RAB3B: variants seen among roughly 807,000 people sequenced by gnomAD.
The protein encoded by RAB3B is ras-related protein Rab-3B.
In RAB3B, 11 loss-of-function variants were observed where a neutral mutation model predicts 20.5. That is an observed-to-expected ratio of 0.54 (90% CI 0.34 to 0.89). The LOEUF (loss-of-function observed/expected upper bound fraction) is 0.89, where lower values mean the gene tolerates loss of function less well. RAB3B is among the 40% of genes least tolerant of loss of function. The pLI is 0.02. For synonymous variants in RAB3B, 99 were observed against 106.3 expected (o/e 0.93, Z 0.42); for missense variants, 225 against 280.9 (o/e 0.80, Z 1.42).
Position 51,918,162 on chromosome 1 carries a change from G to A in RAB3B, c.*1765C>T, listed in dbSNP as rs1684114823. The A allele has an allele frequency of 6.6e-6, 1 of 152,194 alleles. No homozygotes were observed. The allele number at this position is 152,194 out of a possible 1,614,324, so 9.4% of individuals were successfully genotyped here. ...TTTAATTAAGGGGCTTCCACCAGAA[G>A]TGGTTTCCCACACTCTCTGGTAGAA... is the stretch of plus-strand genomic sequence containing the variant. On this transcript the variant is annotated 3_prime_UTR_variant, in exon 5 of 5. Coordinates refer to ENST00000371655, the MANE Select transcript of RAB3B (RefSeq NM_002867.4).
chr1:51,973,500 T>C (rs181424119), intron 2 of RAB3B: 3 of 152,262 alleles, frequency 2.0e-5, no homozygotes, highest in Non-Finnish European at 2.9e-5. Flanking sequence ...GGATGGGAGA[T>C]TGACTATGTC....
intron 4 of RAB3B, among the ~76,000 whole-genome samples, chr1:51,920,732 G>A (rs1684161537): frequency 6.6e-6 from 1 of 152,220 alleles, no homozygotes; most frequent in Admixed American, 6.5e-5. Flanking sequence ...CTTTTTCGCA[G>A]GGATTTTCCT....
chr1:51,929,348 G>C (rs535751668), intron 4 of RAB3B, among the ~76,000 whole-genome samples: 1 of 150,088 alleles, frequency 6.7e-6, no homozygotes, highest in African/African-American at 2.4e-5. Context: ...TTCTTTTTGA[G>C]ATGGAGTCTT....
chr1:51,939,889 C>G (rs575818447), intron 2 of RAB3B, among the ~76,000 whole-genome samples: 39 of 152,306 alleles, frequency 2.6e-4, no homozygotes, highest in African/African-American at 9.4e-4. Context: ...TCCAGGACTT[C>G]TGATTCCATG....
At chr1:51,956,787 G>C (rs990282896) in intron 2 of RAB3B, among the ~76,000 whole-genome samples, 8 of 152,152 alleles carry the variant, frequency 5.3e-5, no homozygotes, top group African/African-American at 1.9e-4. Flanking sequence ...TGTTTAGACG[G>C]GCTGTGCCAG....
chr1:51,983,339 T>C (rs893469976), intron 1 of RAB3B, among the ~76,000 whole-genome samples: 3 of 152,010 alleles, frequency 2.0e-5, no homozygotes, highest in Admixed American at 6.6e-5. Context: ...AAAACCATCA[T>C]ATTTTTACTG....
At chr1:51,972,641 C>T (rs1010194929) in intron 2 of RAB3B, among the ~76,000 whole-genome samples, 2 of 151,868 alleles carry the variant, frequency 1.3e-5, no homozygotes, top group African/African-American at 2.4e-5. Context: ...AGAAGAGACA[C>T]CAAAGAGTTT....
intron 4 of RAB3B, among the ~76,000 whole-genome samples, chr1:51,923,148 A>G (rs1272112040): frequency 6.6e-6 from 1 of 152,244 alleles, no homozygotes; most frequent in Non-Finnish European, 1.5e-5. Context: ...CAGTTCACAA[A>G]TACGAAAACA....
At chr1:51,958,159 A>C (rs1341223478) in intron 2 of RAB3B, among the ~76,000 whole-genome samples, 1 of 152,126 alleles carries the variant, frequency 6.6e-6, no homozygotes, top group Non-Finnish European at 1.5e-5. Context: ...TTGTTGACTG[A>C]GGTTAGGTGT....
intron 4 of RAB3B, among the ~76,000 whole-genome samples, chr1:51,925,972 G>T (rs1397047721): frequency 6.6e-6 from 1 of 152,210 alleles, no homozygotes; most frequent in Non-Finnish European, 1.5e-5. Flanking sequence ...CCTGCTGGGG[G>T]GCCAGCTGAG....
intron 2 of RAB3B, among the ~76,000 whole-genome samples, chr1:51,951,950 C>A (rs910774328): frequency 6.6e-6 from 1 of 152,208 alleles, no homozygotes; most frequent in Non-Finnish European, 1.5e-5. Flanking sequence ...CCTCTGTAAT[C>A]CTATCTAATC....
intron 4 of RAB3B, among the ~76,000 whole-genome samples, chr1:51,927,975 G>T (rs1684267477): frequency 6.6e-6 from 1 of 152,070 alleles, no homozygotes; most frequent in Non-Finnish European, 1.5e-5. Context: ...ACCCTAAAAG[G>T]TCATGCTTCT....
At position 51,910,461 on chromosome 1, in the gene RAB3B, T is replaced by C. The variant is rs1424907938; in HGVS notation, c.*9466A>G. 3 of 152,172 alleles carry C rather than the reference T, an allele frequency of 2.0e-5. No individual in the cohort carries two copies. Among genetic ancestry groups the C allele is most frequent in the Non-Finnish European group, 4.4e-5 (3 of 68,044 alleles). The allele number at this position is 152,172 out of a possible 1,614,324, so 9.4% of individuals were successfully genotyped here. ...TGTTTCTCTTCCTCTTGTTACTCTTTAGGAACCTCCAGCCTAGAATAGTCA... is the reference window on the plus strand; with the variant it reads ...TGTTTCTCTTCCTCTTGTTACTCTTCAGGAACCTCCAGCCTAGAATAGTCA... On this transcript the variant is annotated 3_prime_UTR_variant, in exon 5 of 5. Coordinates refer to ENST00000371655, the MANE Select transcript of RAB3B (RefSeq NM_002867.4).
At chr1:51,962,684 TTC>T (rs1557973075) in intron 2 of RAB3B, among the ~76,000 whole-genome samples, 2 of 152,190 alleles carry the variant, frequency 1.3e-5, no homozygotes, top group Non-Finnish European at 2.9e-5. Context: ...ACTGAAACCT[TTC>T]TCTGAGTCTT....
intron 2 of RAB3B, among the ~76,000 whole-genome samples, chr1:51,971,301 C>T (rs1684930383): frequency 6.6e-6 from 1 of 152,058 alleles, no homozygotes. Context: ...ATAAATGTTC[C>T]CCCTTTCCCT....
chr1:51,929,286 G>A (rs1684290499), intron 4 of RAB3B, among the ~76,000 whole-genome samples: 1 of 152,082 alleles, frequency 6.6e-6, no homozygotes, highest in South Asian at 2.1e-4. Context: ...TTGAGCCCTG[G>A]GTCTTGTGGA....
intron 1 of RAB3B, among the ~76,000 whole-genome samples, chr1:51,982,894 AGC>A (rs1336452308): frequency 6.6e-6 from 1 of 152,206 alleles, no homozygotes; most frequent in Non-Finnish European, 1.5e-5. Flanking sequence ...AATTTAGTGT[AGC>A]CTAAGTGTAG....
chr1:51,946,217 G>C (rs1467660637), intron 2 of RAB3B, among the ~76,000 whole-genome samples: 1 of 152,234 alleles, frequency 6.6e-6, no homozygotes, highest in Admixed American at 6.5e-5. Flanking sequence ...CATAGTAAGT[G>C]CTGCTATTAC....
chr1:51,915,256 T>C lies in RAB3B; in HGVS notation c.*4671A>G, dbSNP rs1684066267. The C allele has an allele frequency of 6.6e-6, 1 of 152,194 alleles. No individual in the cohort carries two copies. Among genetic ancestry groups the C allele is most frequent in the African/African-American group, 2.4e-5 (1 of 41,444 alleles). 9.4% of individuals were successfully genotyped at this position (152,194 alleles called of 1,614,324 possible). A position where few individuals can be genotyped will look rare whatever the true frequency, so the allele number is the denominator to read the frequency against. On this transcript the variant is annotated 3_prime_UTR_variant, in exon 5 of 5. Coordinates refer to ENST00000371655, the MANE Select transcript of RAB3B (RefSeq NM_002867.4). The stretch of plus-strand genomic sequence containing the variant: ...CCTTGCAGGCAGGGATCATTTTTTT[T>C]TTCATCTGTATTTATCTAGTGCTTA...
Sources: gnomAD v4.1 joint callset for allele counts (sites outside exome capture counted in the v4.1 genomes callset) on GRCh38, gnomAD v4.1.1 for gene constraint, MANE v1.5 for transcripts, NCBI Gene and HGNC (gene_info 2026-07-23, HGNC 2026-07-21) for gene names.